XCR1: variants seen among roughly 807,000 people sequenced by gnomAD.
XCR1 encodes chemokine XC receptor 1.
For synonymous variants in XCR1, 187 were observed against 188.5 expected (o/e 0.99, Z 0.06); for missense variants, 356 against 424.2 (o/e 0.84, Z 1.41).
chr3:46,074,214 CTTTT>C (rs35124592), intron 3 of XCR1, among the ~76,000 whole-genome samples: 34 of 86,666 alleles, frequency 3.9e-4, no homozygotes, highest in East Asian at 1.5e-3. Flanking sequence ...TGAAGGCCAT[CTTTT>C]TTTTTTTTTT....
chr3:46,020,993 G>T lies in XCR1; in HGVS notation c.955C>A (p.Pro319Thr). The T allele has an allele frequency of 1.2e-6, 2 of 1,612,876 alleles. No homozygotes were observed. The highest frequency in any genetic ancestry group is 1.7e-6 in the Non-Finnish European group (2 of 1,179,350). Residue 319 changes from proline to threonine, a missense_variant, in exon 2 of 2, where the codon CCC becomes ACC. By Grantham distance (38) the Pro-to-Thr change is conservative (BLOSUM62 -1). Coordinates refer to ENST00000309285, the MANE Select transcript of XCR1 (RefSeq NM_001024644.2). ...TAGGCGAAGGCACCAGGGGAGTGGG[G>T]GATCGAGGCTGGGCTGGGTGCCTGC... ...RLQAPSPASIPHSPGAFAYEG... is the reference protein window; with the variant it reads ...RLQAPSPASITHSPGAFAYEG...
At chr3:46,061,476 C>A (rs1383105851) in intron 4 of XCR1, among the ~76,000 whole-genome samples, 1 of 152,196 alleles carries the variant, frequency 6.6e-6, no homozygotes, top group African/African-American at 2.4e-5. Context: ...AGTGGATCAT[C>A]CAAACCACTT....
chr3:46,035,524 G>T (rs1697410512), intron 5 of XCR1, among the ~76,000 whole-genome samples: 1 of 152,164 alleles, frequency 6.6e-6, no homozygotes, highest in Non-Finnish European at 1.5e-5. Context: ...TTGCTCAGCT[G>T]CCATGGGCCA....
chr3:46,079,560 TC>T (rs1698321102), intron 1 of XCR1, among the ~76,000 whole-genome samples: 1 of 152,082 alleles, frequency 6.6e-6, no homozygotes, highest in Non-Finnish European at 1.5e-5. Flanking sequence ...TTATCTCAAG[TC>T]CCCTGTCCTG....
intron 5 of XCR1, among the ~76,000 whole-genome samples, chr3:46,053,903 C>G (rs1242516641): frequency 1.7e-5 from 1 of 57,978 alleles, no homozygotes; most frequent in East Asian, 5.0e-4. Context: ...CTCCCAGTAG[C>G]TCTTTAGGGC....
intron 5 of XCR1, among the ~76,000 whole-genome samples, chr3:46,043,274 C>T (rs1334439139): frequency 1.3e-5 from 2 of 151,906 alleles, no homozygotes; most frequent in African/African-American, 4.8e-5. Context: ...AACCCCGTCT[C>T]TACTAAAAAT....
At chr3:46,048,352 G>A (rs528232078) in intron 5 of XCR1, among the ~76,000 whole-genome samples, 2 of 152,254 alleles carry the variant, frequency 1.3e-5, no homozygotes, top group South Asian at 2.1e-4. Flanking sequence ...GGCTAACATG[G>A]CCAAGAACAT....
Position 46,073,689 on chromosome 3 carries a change from T to C in XCR1, c.-263+962A>G, listed in dbSNP as rs117714687. On this transcript the variant is annotated intron_variant, in intron 3 of 5. Coordinates refer to the XCR1 transcript ENST00000683768. ...GCGACTTATGCATCTGACAGGGGAC[T>C]AATATCCAGAATTTACAAGGAATTC... 2.4e-3 allele frequency among the ~76,000 whole-genome samples: 358 copies of C among 151,632 alleles called. 6 individuals carry two copies. In the East Asian group the frequency reaches 0.053, roughly 22 times the overall value.
chr3:46,082,078 C>T (rs1467369482), intron 1 of XCR1, among the ~76,000 whole-genome samples: 1 of 152,146 alleles, frequency 6.6e-6, no homozygotes, highest in Non-Finnish European at 1.5e-5. Flanking sequence ...TGCATAGATT[C>T]ATATTTCTCA....
intron 1 of XCR1, among the ~76,000 whole-genome samples, chr3:46,082,566 C>T (rs1698392100): frequency 7.0e-6 from 1 of 143,770 alleles, no homozygotes; most frequent in South Asian, 2.3e-4. Context: ...TCATAACTCA[C>T]TGCGGCCTCC....
intron 5 of XCR1, among the ~76,000 whole-genome samples, chr3:46,042,482 A>G (rs1487271246): frequency 1.3e-5 from 2 of 152,198 alleles, no homozygotes; most frequent in African/African-American, 4.8e-5. Flanking sequence ...ATCAGAAAGG[A>G]AAGTGGGGAC....
intron 3 of XCR1, among the ~76,000 whole-genome samples, chr3:46,074,625 A>C (rs1698227557): frequency 6.6e-6 from 1 of 152,170 alleles, no homozygotes; most frequent in South Asian, 2.1e-4. Context: ...TTTAAAAAAA[A>C]TCATAAGGAA....
chr3:46,068,225 G>C (rs1315738365), intron 3 of XCR1, among the ~76,000 whole-genome samples: 1 of 152,140 alleles, frequency 6.6e-6, no homozygotes, highest in African/African-American at 2.4e-5. Flanking sequence ...AAGCATCATG[G>C]CTTTATTACA....
In XCR1 at chr3:46,021,098, G is replaced by T. The variant is rs748934634; in HGVS notation, c.850C>A (p.Pro284Thr). 1 of 1,614,242 alleles carries T rather than the reference G, an allele frequency of 6.2e-7. No homozygotes were observed. The highest frequency in any genetic ancestry group is 1.7e-5 in the Admixed American group (1 of 60,026). Reference sequence around the variant, plus strand: ...ACCCCCACGAAGACATAGAGCACCGGGTTAAAGCAGCAGTGGGAGAAGGCG... The same window carrying T: ...ACCCCCACGAAGACATAGAGCACCGTGTTAAAGCAGCAGTGGGAGAAGGCG... ...NLAFSHCCFN[P>T]VLYVFVGVKF... Residue 284 changes from proline (P) to threonine (T), a missense_variant, in exon 2 of 2, where the codon CCG (proline) becomes ACG (threonine). Coordinates refer to ENST00000309285, the MANE Select transcript of XCR1 (RefSeq NM_001024644.2). The surrounding 1 kb of genome is among the most constrained non-coding windows in gnomAD (Gnocchi z 4.7).
Position 46,052,307 on chromosome 3 carries a change from G to T in XCR1, c.-32+1613C>A, listed in dbSNP as rs557443582. 1.3e-3 allele frequency among the ~76,000 whole-genome samples: 192 copies of T among 152,284 alleles called. 1 individual carries two copies. Among genetic ancestry groups the T allele is most frequent in the Non-Finnish European group, 2.4e-3 (162 of 68,018 alleles). ...CCTCTGGGAACCCATGCCTGAAACG[G>T]GGTTGAGGTCTGGGCTGGGGATGCC... On this transcript the variant is annotated intron_variant, in intron 5 of 5. Transcript: ENST00000683768.
At chr3:46,075,804 A>T (rs1698249123) in intron 2 of XCR1, among the ~76,000 whole-genome samples, 1 of 152,252 alleles carries the variant, frequency 6.6e-6, no homozygotes, top group Admixed American at 6.5e-5. Flanking sequence ...AATATATTCA[A>T]TGTCACTAGC....
chr3:46,029,175 G>A (rs766239269), upstream of XCR1, among the ~76,000 whole-genome samples: 3 of 152,100 alleles, frequency 2.0e-5, no homozygotes, highest in Non-Finnish European at 2.9e-5. Flanking sequence ...AATACAATGG[G>A]GAAAGCCATA....
intron 1 of XCR1, among the ~76,000 whole-genome samples, chr3:46,080,356 A>G (rs1327628976): frequency 6.6e-6 from 1 of 152,192 alleles, no homozygotes; most frequent in East Asian, 1.9e-4. Context: ...CCTGAAGGTT[A>G]CATCAGACAA....
At chr3:46,081,896 G>GTGTGT (rs1698371876) in intron 1 of XCR1, among the ~76,000 whole-genome samples, 1 of 151,738 alleles carries the variant, frequency 6.6e-6, no homozygotes, top group Admixed American at 6.6e-5. Flanking sequence ...TCTTGTTTCC[G>GTGTGT]TCTTTATGTT....
Sources: allele counts gnomAD v4.1 joint callset (sites outside exome capture counted in the v4.1 genomes callset), GRCh38; gene constraint gnomAD v4.1.1; non-coding constraint Gnocchi (gnomAD v3.1); transcripts MANE v1.5; gene names NCBI Gene and HGNC (gene_info 2026-07-23, HGNC 2026-07-21).